NEK7: variants seen among roughly 807,000 people sequenced by gnomAD.
NEK7 encodes serine/threonine-protein kinase Nek7.
A neutral mutation model predicts 44.6 loss-of-function variants in NEK7; 18 were observed. The observed-to-expected ratio is 0.40, with a 90% confidence interval of 0.28 to 0.60. NEK7 has a LOEUF of 0.60. Among genes scored for constraint, NEK7 ranks in the 20% least tolerant of loss-of-function variants. NEK7 has a pLI of 0.38. For synonymous variants in NEK7, 130 were observed against 121.1 expected (o/e 1.07, Z -0.48); for missense variants, 256 against 366.5 (o/e 0.70, Z 2.46).
intron 9 of NEK7, among the ~76,000 whole-genome samples, chr1:198,302,353 C>CTTT (rs76569998): frequency 3.6e-5 from 5 of 139,196 alleles, no homozygotes; most frequent in African/African-American, 1.3e-4. Context: ...TGTCCCTCTC[C>CTTT]TTTTTTTTTT....
At position 198,177,351 on chromosome 1, in the gene NEK7, C is replaced by T. The variant is rs928578265; in HGVS notation, c.-29+20075C>T. ...AATGCCAGAAGTAATGGAACAATTA[C>T]TTCAGAGACCTAACAAAATCAAAGC... is the stretch of plus-strand genomic sequence containing the variant. On this transcript the variant is annotated intron_variant, in intron 1 of 9. Coordinates refer to ENST00000367385, the MANE Select transcript of NEK7 (RefSeq NM_133494.3). 1.3e-5 allele frequency among the ~76,000 whole-genome samples: 2 copies of T among 152,098 alleles called. 1 individual carries two copies. Among genetic ancestry groups the T allele is most frequent in the Admixed American group, 1.3e-4 (2 of 15,260 alleles).
chr1:198,315,419 G>A (rs906673581), intron 9 of NEK7, among the ~76,000 whole-genome samples: 5 of 152,232 alleles, frequency 3.3e-5, no homozygotes, highest in African/African-American at 1.2e-4. Flanking sequence ...GCTGGGAGCT[G>A]TAGACTGGAG....
intron 1 of NEK7, among the ~76,000 whole-genome samples, chr1:198,216,284 CA>C (rs1163285998): frequency 1.3e-5 from 2 of 151,914 alleles, no homozygotes; most frequent in African/African-American, 4.8e-5. Context: ...AGGGAACCAT[CA>C]AAACTGTATA....
chr1:198,247,272 TA>T (rs1666859303), intron 2 of NEK7, among the ~76,000 whole-genome samples: 2 of 152,228 alleles, frequency 1.3e-5, no homozygotes, highest in South Asian at 2.1e-4. Context: ...GTCTTTATTT[TA>T]TTTTTTTAGT....
intron 1 of NEK7, 126 bp downstream of exon 1, chr1:198,157,402 T>C (rs1209551089): frequency 6.6e-6 from 1 of 152,112 alleles, no homozygotes; most frequent in Non-Finnish European, 1.5e-5. Context: ...ATACCCTCGC[T>C]CGGGGTAGGT....
chr1:198,270,153 A>G (rs915795011), intron 5 of NEK7, among the ~76,000 whole-genome samples: 1 of 152,006 alleles, frequency 6.6e-6, no homozygotes, highest in African/African-American at 2.4e-5. Flanking sequence ...TAAAATTTCA[A>G]CTTGTCAATA....
At chr1:198,205,258 A>G (rs1015948269) in intron 1 of NEK7, among the ~76,000 whole-genome samples, 62 of 152,330 alleles carry the variant, frequency 4.1e-4, no homozygotes, top group African/African-American at 1.9e-4. Flanking sequence ...ATCACTTTCA[A>G]TGATACATCT....
chr1:198,321,691 A>T lies in NEK7; in HGVS notation c.*2169A>T, dbSNP rs1655538426. 6.6e-6 allele frequency: 1 copy of T among 152,108 alleles called. No individual in the cohort carries two copies. Among genetic ancestry groups the T allele is most frequent in the Non-Finnish European group, 1.5e-5 (1 of 67,966 alleles). 9.4% of individuals were successfully genotyped at this position (152,108 alleles called of 1,614,324 possible). On this transcript the variant is annotated 3_prime_UTR_variant, in exon 10 of 10. Transcript: ENST00000367385. ...CGAATATTGTATCTTTTTAAATCTA[A>T]ATGTTCATATTTTTCCTGAAGAAAC...
At chr1:198,254,477 T>G (rs1042059860) in intron 3 of NEK7, among the ~76,000 whole-genome samples, 3 of 152,148 alleles carry the variant, frequency 2.0e-5, no homozygotes, top group African/African-American at 7.2e-5. Context: ...ACAGCTTGCT[T>G]TTTTCACATA....
At chr1:198,226,916 G>A (rs1666244691) in intron 1 of NEK7, among the ~76,000 whole-genome samples, 1 of 151,558 alleles carries the variant, frequency 6.6e-6, no homozygotes, top group Non-Finnish European at 1.5e-5. Flanking sequence ...TATACACAAC[G>A]TGCAGGTTAG....
intron 9 of NEK7, among the ~76,000 whole-genome samples, chr1:198,317,809 TA>T: frequency 6.6e-6 from 1 of 151,794 alleles, no homozygotes; most frequent in Admixed American, 6.6e-5. Context: ...CATTATCTTT[TA>T]AATTATGTGT....
Position 198,277,954 on chromosome 1 carries a change from C to T in NEK7, c.373-7C>T, listed in dbSNP as rs1349400952. On this transcript the variant is annotated splice_polypyrimidine_tract_variant and splice_region_variant and intron_variant, in intron 5 of 9. Transcript: ENST00000367385. Reference sequence around the variant, plus strand: ...TTTTATAGTTCTTATTTTTAATTTTCAAAAAGCATTTTAAGAAGCAAAAGA... The same window carrying T: ...TTTTATAGTTCTTATTTTTAATTTTTAAAAAGCATTTTAAGAAGCAAAAGA... 2 of 1,560,366 alleles carry T rather than the reference C, an allele frequency of 1.3e-6. No homozygotes were observed. The highest frequency in any genetic ancestry group is 2.3e-5 in the South Asian group (2 of 87,832).
intron 1 of NEK7, among the ~76,000 whole-genome samples, chr1:198,163,817 G>A (rs2102701633): frequency 6.6e-6 from 1 of 152,240 alleles, no homozygotes; most frequent in East Asian, 1.9e-4. Context: ...AGTGAAAACT[G>A]ACATTTTTTT....
chr1:198,316,640 G>A (rs1035032340), intron 9 of NEK7, among the ~76,000 whole-genome samples: 5 of 152,186 alleles, frequency 3.3e-5, no homozygotes, highest in African/African-American at 9.6e-5. Flanking sequence ...TTTCACATTT[G>A]TTTCTTTGTT....
chr1:198,295,586 A>G (rs1654690526), intron 8 of NEK7, among the ~76,000 whole-genome samples: 1 of 151,908 alleles, frequency 6.6e-6, no homozygotes, highest in Non-Finnish European at 1.5e-5. Context: ...GCATGAAAAT[A>G]TACTATTCCT....
rs1247816220 is a variant in NEK7 at position 198,157,031 on chromosome 1, TCGGGAGTCG to T, written c.-267_-259del. 6.6e-6 allele frequency: 1 copy of T among 151,790 alleles called. No homozygotes were observed. 9.4% of individuals were successfully genotyped at this position (151,790 alleles called of 1,614,324 possible). A position where few individuals can be genotyped will look rare whatever the true frequency, so the allele number is the denominator to read the frequency against. ...GACAGCGGCGGCAGCAGGAGGAGGA[TCGGGAGTCG>T]CGGGAGGATGGGCCGCCGCTAGGCT... On this transcript the variant is annotated 5_prime_UTR_variant, in exon 1 of 10. Transcript: ENST00000367385.
intron 3 of NEK7, among the ~76,000 whole-genome samples, chr1:198,258,016 G>A (rs190698529): frequency 2.0e-5 from 3 of 152,298 alleles, no homozygotes; most frequent in African/African-American, 7.2e-5. Context: ...CCATGCTGTG[G>A]TATTAGAGAC....
intron 1 of NEK7, among the ~76,000 whole-genome samples, chr1:198,194,303 T>C (rs568515205): frequency 1.3e-5 from 2 of 151,996 alleles, no homozygotes; most frequent in African/African-American, 2.4e-5. Context: ...TTCTTTCTTT[T>C]TTTTTTTTTA....
intron 3 of NEK7, among the ~76,000 whole-genome samples, chr1:198,260,774 A>G (rs569646638): frequency 2.5e-4 from 38 of 152,064 alleles, no homozygotes; most frequent in South Asian, 4.1e-4. Context: ...TAGAAGTAGT[A>G]GAACCAAAAT....
Sources: allele counts gnomAD v4.1 joint callset (sites outside exome capture counted in the v4.1 genomes callset), GRCh38; gene constraint gnomAD v4.1.1; transcripts MANE v1.5; gene names NCBI Gene and HGNC (gene_info 2026-07-23, HGNC 2026-07-21).